Variants in NCL observed in about 807,000 individuals in gnomAD.
The protein encoded by NCL is nucleolin multifunctional protein.
NCL carries 4 observed loss-of-function variants against 77.7 expected under a neutral mutation model. The observed-to-expected ratio is 0.05, with a 90% CI of 0.03 to 0.12. The LOEUF is 0.12. NCL is among the 10% of genes least tolerant of loss of function. The pLI, the probability that NCL is intolerant of heterozygous loss-of-function variation, is 1.00. For synonymous variants in NCL, 344 were observed against 297.8 expected (o/e 1.16, Z -1.60); for missense variants, 763 against 860.9 (o/e 0.89, Z 1.42).
chr2:231,459,318 T>C (rs2046923781), intron 6 of NCL, among the ~76,000 whole-genome samples, 193 bp from the exon 7 acceptor site: 1 of 152,332 alleles, frequency 6.6e-6, no homozygotes, highest in Non-Finnish European at 1.5e-5. Context: ...AGATATGACA[T>C]GCACATTCAC....
At chr2:231,460,128 TG>T (rs753177323) in intron 6 of NCL, 23 bp downstream of exon 6, 1 of 1,600,412 alleles carries the variant, frequency 6.2e-7, no homozygotes, top group East Asian at 2.2e-5. Flanking sequence ...CCCACGTGTA[TG>T]TAACGTGCAG....
At position 231,456,692 on chromosome 2, in the gene NCL, A is replaced by T. The variant is rs780105404; in HGVS notation, c.1644T>A (p.Ile548=). 6.2e-6 allele frequency: 10 copies of T among 1,614,074 alleles called. No individual in the cohort carries two copies. Among genetic ancestry groups the T allele is most frequent in the Non-Finnish European group, 6.8e-6 (8 of 1,180,020 alleles). The part of the protein sequence containing the change: ...EALNSCNKRE[I]EGRAIRLELQ... ...ACTCCAGCCTGATTGCTCTGCCCTC[A>T]ATTTCCCTTTTATTACAGGAATTTA... The change falls in exon 11 of 14, where the codon ATT becomes ATA. Residue 548 remains isoleucine (I), a synonymous_variant. Transcript: ENST00000322723.
rs2046857457 is a variant in NCL, at chr2:231,454,006, A to G, written c.*1185T>C. 1 of 152,202 alleles carries G rather than the reference A, an allele frequency of 6.6e-6. No homozygotes were observed. The highest frequency in any genetic ancestry group is 1.5e-5 in the Non-Finnish European group (1 of 68,036). The allele number at this position is 152,202 out of a possible 1,614,324, so 9.4% of individuals were successfully genotyped here. A position where few individuals can be genotyped will look rare whatever the true frequency, so the allele number is the denominator to read the frequency against. On this transcript the variant is annotated 3_prime_UTR_variant, in exon 14 of 14. Transcript: ENST00000322723. ...TCTTTTACTAAAAAGGGAGGTTGAGAGGCAAGTACTTAAGACCAGAAAGAA... is the reference window on the plus strand; with the variant it reads ...TCTTTTACTAAAAAGGGAGGTTGAGGGGCAAGTACTTAAGACCAGAAAGAA...
rs2125634393 is a variant in NCL, at chr2:231,457,654, C to G, written c.1436G>C (p.Ser479Thr). ...GCCTAATTTCTTACCACTCCAAGTG[C>G]TATTCTTTCCACCTCTATAGTCTTG... ...QNQDYRGGKN[S>T]TWSGESKTLV... Residue 479 changes from serine to threonine, a missense_variant, in exon 9 of 14, where the codon AGC (serine) becomes ACC (threonine). By Grantham distance (58) the Ser-to-Thr change is moderately conservative (BLOSUM62 1). Around this residue, in one of 2 missense-constraint regions of NCL, gnomAD observed 173 missense variants for 290.4 expected, o/e 0.60. Coordinates refer to ENST00000322723, the MANE Select transcript of NCL (RefSeq NM_005381.3). 1 of 1,600,124 alleles carries G rather than the reference C, an allele frequency of 6.2e-7. No homozygotes were observed. The highest frequency in any genetic ancestry group is 1.7e-5 in the Admixed American group (1 of 57,880).
Position 231,464,457 on chromosome 2 carries a change from A to C in NCL, c.-104T>G. 1.4e-6 allele frequency: 2 copies of C among 1,463,462 alleles called. No homozygotes were observed. Among genetic ancestry groups the C allele is most frequent in the Non-Finnish European group, 1.9e-6 (2 of 1,067,328 alleles). 90.7% of individuals were successfully genotyped at this position (1,463,462 alleles called of 1,614,324 possible). A position where few individuals can be genotyped will look rare whatever the true frequency, so the allele number is the denominator to read the frequency against. ...GTGCTGAAGATCCCGGAGCACGTAC[A>C]CCCGAAGGCCAGCGAGAGCTCGAGA... On this transcript the variant is annotated 5_prime_UTR_variant, in exon 1 of 14. Coordinates refer to ENST00000322723, the MANE Select transcript of NCL (RefSeq NM_005381.3).
intron 2 of NCL, 154 bp from the exon 3 acceptor site, chr2:231,462,171 G>A (rs1161929277): frequency 9.8e-7 from 1 of 1,016,090 alleles, no homozygotes; most frequent in South Asian, 1.3e-5. Context: ...CTTCTGTTAT[G>A]TTGTCTTAAG....
chr2:231,456,587 A>C (rs2046890819), intron 11 of NCL, 44 bp downstream of exon 11: 1 of 1,611,136 alleles, frequency 6.2e-7, no homozygotes, highest in South Asian at 1.1e-5. Context: ...CAAAGCACCG[A>C]GAGTGCTACC....
intron 8 of NCL, among the ~76,000 whole-genome samples, chr2:231,458,044 G>C (rs555831311): frequency 6.6e-6 from 1 of 152,310 alleles, no homozygotes; most frequent in East Asian, 1.9e-4. Flanking sequence ...TTTATTGTAA[G>C]ATAGGCACAT....
rs757624075 is a variant in NCL, at chr2:231,460,670, TTCC to T, written c.807_809del (p.Glu271del). 3.3e-4 allele frequency: 528 copies of T among 1,613,600 alleles called. No individual in the cohort carries two copies. Among genetic ancestry groups the T allele is most frequent in the Admixed American group, 1.1e-3 (64 of 60,010 alleles). The stretch of plus-strand genomic sequence containing the variant: ...TATGTCAGAATCTAATTTAAGTACC[TTCC>T]TCCTCCTCTTCTTCCTCCTCCTCAT... On this transcript the variant is annotated inframe_deletion and splice_region_variant, in exon 4 of 14. Coordinates refer to ENST00000322723, the MANE Select transcript of NCL (RefSeq NM_005381.3).
At chr2:231,462,161 C>A in intron 2 of NCL, 144 bp from the exon 3 acceptor site, 1 of 1,111,668 alleles carries the variant, frequency 9.0e-7, no homozygotes, top group Non-Finnish European at 1.4e-6. Context: ...AAACTCCAGG[C>A]TTCTGTTATG....
At position 231,458,555 on chromosome 2, in the gene NCL, A is replaced by C. The variant is rs1575260308; in HGVS notation, c.1166-166T>G. 7.0e-6 allele frequency: 6 copies of C among 852,934 alleles called. No individual in the cohort carries two copies. In the East Asian group the frequency reaches 1.4e-4, roughly 19 times the overall value. 52.8% of individuals were successfully genotyped at this position (852,934 alleles called of 1,614,324 possible). A position where few individuals can be genotyped will look rare whatever the true frequency, so the allele number is the denominator to read the frequency against. On this transcript the variant is annotated intron_variant, in intron 7 of 13. Coordinates refer to ENST00000322723, the MANE Select transcript of NCL (RefSeq NM_005381.3). ...TATGGAGATATAGCAGTGTCAACAC[A>C]CAAGTGGTCCCTCCATGTTGTCACA...
intron 1 of NCL, 86 bp from the exon 2 acceptor site, chr2:231,463,402 ATCTCC>A: frequency 1.2e-6 from 1 of 851,220 alleles, no homozygotes; most frequent in Non-Finnish European, 2.0e-6. Context: ...ATACGCCATC[ATCTCC>A]GTCCTCAGAT....
At position 231,454,462 on chromosome 2, in the gene NCL, C is replaced by T. The variant is rs988894301; in HGVS notation, c.*729G>A. 1 of 152,440 alleles carries T rather than the reference C, an allele frequency of 6.6e-6. No individual in the cohort carries two copies. The highest frequency in any genetic ancestry group is 1.9e-4 in the East Asian group (1 of 5,192). 9.4% of individuals were successfully genotyped at this position (152,440 alleles called of 1,614,324 possible). ...CTCTTCCCTGAAGCTCTTCCTTGTC[C>T]TAGGAAACCTGACTAATCTGTTCCT... On this transcript the variant is annotated 3_prime_UTR_variant, in exon 14 of 14. Transcript: ENST00000322723.
Position 231,455,992 on chromosome 2 carries a change from C to T in NCL, c.1832+18G>A. ...AACCCCTTCAAGTGGAAGCAGCACT[C>T]ACGCTTCCTTCCCTTACCCTTTGGA... is the stretch of plus-strand genomic sequence containing the variant. On this transcript the variant is annotated intron_variant, in intron 12 of 13. Transcript: ENST00000322723. 6.2e-7 allele frequency: 1 copy of T among 1,614,216 alleles called. No homozygotes were observed. The highest frequency in any genetic ancestry group is 1.1e-5 in the South Asian group (1 of 91,076).
intron 12 of NCL, 101 bp from the exon 13 acceptor site, chr2:231,455,725 G>T: frequency 1.4e-6 from 2 of 1,381,704 alleles, no homozygotes; most frequent in Non-Finnish European, 1.0e-6. Flanking sequence ...AAGTAGCCTT[G>T]TTTATTTGGG....
At chr2:231,456,592 G>A (rs367823131) in intron 11 of NCL, 39 bp downstream of exon 11, 6 of 1,612,888 alleles carry the variant, frequency 3.7e-6, no homozygotes, top group Non-Finnish European at 5.1e-6. Flanking sequence ...CACCGAGAGT[G>A]CTACCCCCAA....
In NCL at chr2:231,461,824, T is replaced by C; in HGVS notation, c.329A>G (p.Lys110Arg). The change falls in exon 3 of 14, where the codon AAG (lysine) becomes AGG (arginine). Residue 110 changes from lysine to arginine, a missense_variant. Coordinates refer to ENST00000322723, the MANE Select transcript of NCL (RefSeq NM_005381.3). ...PAKAVTTPGK[K>R]GATPGKALVA... is the part of the protein sequence containing the mutation. ...CAATGCTTTGCCTGGTGTGGCTCCC[T>C]TCTTGCCAGGTGTGGTAACTGCTTT... The C allele has an allele frequency of 1.2e-6, 2 of 1,613,538 alleles. No individual in the cohort carries two copies. The highest frequency in any genetic ancestry group is 1.7e-6 in the Non-Finnish European group (2 of 1,179,950).
At chr2:231,457,237 ACTCATGACGTAAG>A (rs1230887306) in intron 9 of NCL, 113 bp from the exon 10 acceptor site, 4 of 1,426,124 alleles carry the variant, frequency 2.8e-6, no homozygotes, top group Non-Finnish European at 3.0e-6. Flanking sequence ...ATATACAAAT[ACTCATGACGTAAG>A]CTAAATCCAT....
chr2:231,461,511 G>A lies in NCL; in HGVS notation c.613+29C>T, dbSNP rs540654023. On this transcript the variant is annotated intron_variant, in intron 3 of 13. Coordinates refer to ENST00000322723, the MANE Select transcript of NCL (RefSeq NM_005381.3). Reference sequence around the variant, plus strand: ...ATCTCAAGATACCTTGTAATCAGAAGCCCAGTAACTACCAAGACAACTCCT... The same window carrying A: ...ATCTCAAGATACCTTGTAATCAGAAACCCAGTAACTACCAAGACAACTCCT... 4.4e-6 allele frequency: 7 copies of A among 1,603,802 alleles called. No homozygotes were observed. The African/African-American group carries it at 6.7e-5, about 15-fold the overall frequency.
Sources: gnomAD v4.1 joint callset for allele counts (sites outside exome capture counted in the v4.1 genomes callset) on GRCh38, gnomAD v4.1.1 for gene constraint, gnomAD v4.1.1 regional missense constraint, MANE v1.5 for transcripts, NCBI Gene and HGNC (gene_info 2026-07-23, HGNC 2026-07-21) for gene names.